ADAMTS19: variants seen among roughly 807,000 people sequenced by gnomAD.
The protein encoded by ADAMTS19 is A disintegrin and metalloproteinase with thrombospondin motifs 19.
In ADAMTS19, 93 loss-of-function variants were observed where a neutral mutation model predicts 153.3. That is an observed-to-expected ratio of 0.61 (90% CI 0.51 to 0.72). The LOEUF is 0.72. Ranked by LOEUF, ADAMTS19 falls within the 30% of genes least tolerant of loss-of-function variation. ADAMTS19 has a pLI of 0.00. For synonymous variants in ADAMTS19, 600 were observed against 556.6 expected (o/e 1.08, Z -1.10); for missense variants, 1,482 against 1,552.1 (o/e 0.95, Z 0.76).
chr5:129,713,758 T>TAA lies in ADAMTS19; in HGVS notation c.3312+9384_3312+9385dup, dbSNP rs370266801. Among the ~76,000 whole-genome samples, 427 of 128,376 alleles carry TAA rather than the reference T, an allele frequency of 3.3e-3. 1 individual carries two copies. The highest frequency in any genetic ancestry group is 0.017 in the Middle Eastern group (4 of 234). 84.2% of individuals were successfully genotyped at this position (128,376 alleles called of 152,430 possible). A position where few individuals can be genotyped will look rare whatever the true frequency, so the allele number is the denominator to read the frequency against. ...CCTGGGAATAGAGCAAGACTCTATCTAAAAAAAAAAAAAAAAAATTAACAA... is the reference window on the plus strand; with the variant it reads ...CCTGGGAATAGAGCAAGACTCTATCTAAAAAAAAAAAAAAAAAAAATTAACAA... On this transcript the variant is annotated intron_variant, in intron 21 of 22. Coordinates refer to ENST00000274487, the MANE Select transcript of ADAMTS19 (RefSeq NM_133638.6).
intron 8 of ADAMTS19, among the ~76,000 whole-genome samples, chr5:129,616,257 T>G (rs961292231): frequency 6.6e-6 from 1 of 151,996 alleles, no homozygotes; most frequent in Admixed American, 6.6e-5. Flanking sequence ...CTAAGAAATA[T>G]GTAATTAAAT....
At chr5:129,625,603 GC>G (rs1751998293) in intron 10 of ADAMTS19, among the ~76,000 whole-genome samples, 1 of 152,110 alleles carries the variant, frequency 6.6e-6, no homozygotes, top group Non-Finnish European at 1.5e-5. Flanking sequence ...GTGATAATGA[GC>G]ATTTTTTCAT....
At chr5:129,522,287 A>ATGTG (rs201543978) in intron 3 of ADAMTS19, among the ~76,000 whole-genome samples, 5 of 124,544 alleles carry the variant, frequency 4.0e-5, no homozygotes, top group African/African-American at 1.6e-4. Context: ...GCGTAGTTGT[A>ATGTG]TGTGTGTGTG....
chr5:129,671,482 T>C (rs1252584863), intron 16 of ADAMTS19, among the ~76,000 whole-genome samples: 3 of 152,198 alleles, frequency 2.0e-5, no homozygotes, highest in African/African-American at 7.2e-5. Context: ...TAAAGGCTCC[T>C]TTGGGTATAG....
intron 21 of ADAMTS19, among the ~76,000 whole-genome samples, chr5:129,733,885 A>C (rs979539968): frequency 6.6e-6 from 1 of 151,874 alleles, no homozygotes; most frequent in African/African-American, 2.4e-5. Context: ...TCATATTAGC[A>C]AAGTTATGGA....
At chr5:129,508,807 AT>A (rs1477200584) in intron 2 of ADAMTS19, among the ~76,000 whole-genome samples, 3 of 151,962 alleles carry the variant, frequency 2.0e-5, no homozygotes, top group African/African-American at 7.2e-5. Context: ...ACATTCCAAA[AT>A]TTTTACTGTG....
chr5:129,559,120 T>C (rs2126837863), intron 7 of ADAMTS19, among the ~76,000 whole-genome samples: 1 of 152,202 alleles, frequency 6.6e-6, no homozygotes, highest in East Asian at 1.9e-4. Context: ...ATACCATTAC[T>C]TTATGTATCA....
chr5:129,592,940 A>G (rs1750211943), intron 7 of ADAMTS19, among the ~76,000 whole-genome samples: 1 of 152,110 alleles, frequency 6.6e-6, no homozygotes, highest in African/African-American at 2.4e-5. Context: ...TCGTTTTTGA[A>G]TATTTTATAT....
intron 2 of ADAMTS19, among the ~76,000 whole-genome samples, chr5:129,477,148 C>T (rs1385667258): frequency 4.0e-5 from 6 of 151,822 alleles, no homozygotes; most frequent in African/African-American, 1.5e-4. Flanking sequence ...AATTTTATTC[C>T]TGTATGTTTT....
At chr5:129,554,422 G>A (rs1451579465) in intron 7 of ADAMTS19, among the ~76,000 whole-genome samples, 4 of 152,022 alleles carry the variant, frequency 2.6e-5, no homozygotes, top group Non-Finnish European at 5.9e-5. Context: ...CCCTAGTTGA[G>A]ACATATGATC....
At chr5:129,536,329 C>T (rs1372261029) in intron 6 of ADAMTS19, among the ~76,000 whole-genome samples, 1 of 152,130 alleles carries the variant, frequency 6.6e-6, no homozygotes, top group Non-Finnish European at 1.5e-5. Flanking sequence ...CATCACTGGC[C>T]ATCAGAAAAA....
intron 21 of ADAMTS19, among the ~76,000 whole-genome samples, chr5:129,708,590 C>CAAAAAAAAAAAAAAAAAAAA (rs1174701520): frequency 1.6e-5 from 1 of 61,820 alleles, no homozygotes; most frequent in Non-Finnish European, 2.9e-5. Context: ...AGCAGAGAAG[C>CAAAAAAAAAAAAAAAAAAAA]AAAAAAAAAA....
chr5:129,579,980 A>G (rs376662165), intron 7 of ADAMTS19, among the ~76,000 whole-genome samples: 4 of 152,118 alleles, frequency 2.6e-5, no homozygotes, highest in East Asian at 3.9e-4. Context: ...AAGAAAGTCA[A>G]TGGTAGCTTG....
At chr5:129,593,592 T>G (rs1484216601) in intron 7 of ADAMTS19, among the ~76,000 whole-genome samples, 1 of 152,154 alleles carries the variant, frequency 6.6e-6, no homozygotes, top group African/African-American at 2.4e-5. Context: ...AACCTTACTC[T>G]TTTACTCATT....
At position 129,467,968 on chromosome 5, in the gene ADAMTS19, G is replaced by A. The variant is rs115460545; in HGVS notation, c.747+6211G>A. ...ACCCATACTATTTACACACACACACGTGGTATTACCACAATTGAGTGTGTA... is the reference window on the plus strand; with the variant it reads ...ACCCATACTATTTACACACACACACATGGTATTACCACAATTGAGTGTGTA... On this transcript the variant is annotated intron_variant, in intron 2 of 22. Transcript: ENST00000274487. 3.8e-3 allele frequency among the ~76,000 whole-genome samples: 585 copies of A among 152,296 alleles called. 2 individuals carry two copies. The highest frequency in any genetic ancestry group is 0.013 in the African/African-American group (544 of 41,574).
chr5:129,723,209 A>G (rs1482510725), intron 21 of ADAMTS19, among the ~76,000 whole-genome samples: 1 of 152,202 alleles, frequency 6.6e-6, no homozygotes, highest in Non-Finnish European at 1.5e-5. Flanking sequence ...TGAGTTAAGT[A>G]AACTTCGACT....
chr5:129,585,259 G>A (rs998770542), intron 7 of ADAMTS19, among the ~76,000 whole-genome samples: 2 of 146,390 alleles, frequency 1.4e-5, no homozygotes, highest in Admixed American at 6.6e-5. Flanking sequence ...GAGATGAGCC[G>A]GGTAACTCAG....
chr5:129,524,351 C>T (rs1217670591), intron 3 of ADAMTS19, among the ~76,000 whole-genome samples: 1 of 152,106 alleles, frequency 6.6e-6, no homozygotes, highest in Non-Finnish European at 1.5e-5. Flanking sequence ...ACCATAAAAA[C>T]CCTAGAAGAA....
At chr5:129,474,871 C>A (rs559407352) in intron 2 of ADAMTS19, among the ~76,000 whole-genome samples, 5 of 152,200 alleles carry the variant, frequency 3.3e-5, no homozygotes, top group African/African-American at 1.2e-4. Flanking sequence ...CAGTTCATAG[C>A]CATTGTAATA....
Sources: allele counts gnomAD v4.1 joint callset (sites outside exome capture counted in the v4.1 genomes callset), GRCh38; gene constraint gnomAD v4.1.1; transcripts MANE v1.5; gene names NCBI Gene and HGNC (gene_info 2026-07-23, HGNC 2026-07-21).